DCDC1: variants seen among roughly 807,000 people sequenced by gnomAD.
The protein encoded by DCDC1 is doublecortin domain containing 1, also known as doublecortin domain-containing protein 1.
In DCDC1, 200 loss-of-function variants were observed where a neutral mutation model predicts 178.3. The ratio of observed to expected loss-of-function variants is 1.12; its 90% CI spans 1.00 to 1.26. DCDC1 has a LOEUF of 1.26. DCDC1 is among the 50% of genes most tolerant of loss of function. DCDC1 has a pLI of 0.00. For missense variants in DCDC1, 1,983 were observed against 1,749.2 expected, an observed-to-expected ratio of 1.13 and a Z score of -2.38; for synonymous variants, 690 against 604.8, an observed-to-expected ratio of 1.14 and a Z score of -2.07.
intron 9 of DCDC1, among the ~76,000 whole-genome samples, chr11:31,142,047 T>C (rs949298085): frequency 6.6e-6 from 1 of 152,214 alleles, no homozygotes; most frequent in African/African-American, 2.4e-5. Flanking sequence ...ATTCAGGGAC[T>C]GGGAGAGAGT....
At chr11:31,311,630 G>T (rs1948777227) in intron 3 of DCDC1, among the ~76,000 whole-genome samples, 1 of 152,178 alleles carries the variant, frequency 6.6e-6, no homozygotes, top group Non-Finnish European at 1.5e-5. Flanking sequence ...AACAGTCTAT[G>T]TCAATGTTGG....
chr11:30,942,063 T>C (rs1947686894), intron 21 of DCDC1, among the ~76,000 whole-genome samples: 1 of 152,138 alleles, frequency 6.6e-6, no homozygotes, highest in Non-Finnish European at 1.5e-5. Flanking sequence ...ACTGAGAAAC[T>C]TTCACCAGTA....
rs764643578 is a variant in DCDC1 at position 30,952,501 on chromosome 11, G to A, written c.2659C>T (p.Leu887=). ...CACATGTAGGTAAGCTTGTTCCATA[G>A]AGGATTTTCAACTCTAGAATGTTTC... ...QWKHSRVENP[L]WNKLTYMWPV... is the part of the protein sequence containing the mutation. Residue 887 remains leucine (L), a synonymous_variant, in exon 21 of 39, where the codon CTA becomes TTA. Transcript: ENST00000684477. 2.5e-6 allele frequency: 4 copies of A among 1,588,204 alleles called. No individual in the cohort carries two copies. In the African/African-American group the frequency reaches 4.0e-5, roughly 16 times the overall value.
intron 20 of DCDC1, among the ~76,000 whole-genome samples, chr11:31,054,221 C>A (rs1955440234): frequency 1.4e-5 from 2 of 139,440 alleles, no homozygotes; most frequent in Admixed American, 7.4e-5. Context: ...ACCCCTTTTA[C>A]AATAGCTGAA....
chr11:30,993,635 A>T (rs1040814653), intron 20 of DCDC1, among the ~76,000 whole-genome samples: 2 of 152,116 alleles, frequency 1.3e-5, no homozygotes, highest in African/African-American at 4.8e-5. Context: ...ACATCACTAG[A>T]TCAATCGCAT....
intron 9 of DCDC1, among the ~76,000 whole-genome samples, chr11:31,168,020 T>G (rs530021249): frequency 6.6e-6 from 1 of 152,150 alleles, no homozygotes. Context: ...CACACATGCA[T>G]GCACAAACAC....
At chr11:30,978,261 T>C (rs1454076844) in intron 20 of DCDC1, among the ~76,000 whole-genome samples, 3 of 152,202 alleles carry the variant, frequency 2.0e-5, no homozygotes, top group Non-Finnish European at 4.4e-5. Flanking sequence ...TTCTGTACAT[T>C]GGATGGTTTT....
chr11:31,152,050 C>A (rs554084261), intron 9 of DCDC1, among the ~76,000 whole-genome samples: 1 of 152,102 alleles, frequency 6.6e-6, no homozygotes, highest in East Asian at 1.9e-4. Flanking sequence ...AACATCACAT[C>A]ATACCTCATA....
At chr11:31,139,022 C>T (rs890524928) in intron 9 of DCDC1, among the ~76,000 whole-genome samples, 2 of 151,038 alleles carry the variant, frequency 1.3e-5, no homozygotes, top group African/African-American at 2.4e-5. Context: ...ATATTTTAGG[C>T]TTTATGGGGG....
chr11:30,938,753 T>C lies in DCDC1; in HGVS notation c.2716-6801A>G, dbSNP rs576894334. Among the ~76,000 whole-genome samples, 5 of 152,280 alleles carry C rather than the reference T, an allele frequency of 3.3e-5. No individual in the cohort carries two copies. The East Asian group carries it at 9.7e-4, about 29-fold the overall frequency. On this transcript the variant is annotated intron_variant, in intron 21 of 38. Transcript: ENST00000684477. ...GGCCAGATAAAACAGCAATACTTTA[T>C]CATTTTTTGTTTTTCCTTATCCATA...
intron 1 of DCDC1, among the ~76,000 whole-genome samples, chr11:31,339,467 G>C (rs1299926202): frequency 1.3e-5 from 2 of 152,096 alleles, no homozygotes; most frequent in Non-Finnish European, 2.9e-5. Flanking sequence ...TGGCAGCCCA[G>C]AATAAGATAC....
At chr11:31,089,969 G>A (rs1957710152) in intron 17 of DCDC1, among the ~76,000 whole-genome samples, 1 of 152,136 alleles carries the variant, frequency 6.6e-6, no homozygotes, top group Non-Finnish European at 1.5e-5. Context: ...ATGAGCTGAA[G>A]CATCTCTGGC....
intron 20 of DCDC1, among the ~76,000 whole-genome samples, chr11:30,964,374 T>C (rs1001378479): frequency 1.3e-5 from 2 of 152,180 alleles, no homozygotes; most frequent in African/African-American, 4.8e-5. Flanking sequence ...TTTAATATCC[T>C]TCCCCTCAAG....
intron 8 of DCDC1, among the ~76,000 whole-genome samples, chr11:31,254,971 A>G (rs1944314421): frequency 6.6e-6 from 1 of 152,124 alleles, no homozygotes; most frequent in Admixed American, 6.6e-5. Context: ...GCCATGACAA[A>G]CACCAATCTG....
rs1947162142 is a variant in DCDC1 at position 31,290,686 on chromosome 11, A to G, written c.921T>C (p.Asp307=). ...CTTTTCCCACTGTAATCTCATGCCC[A>G]TCCTGCCCCATGCCATTCTTAAAGA... is the stretch of plus-strand genomic sequence containing the variant. ...ILFFKNGMGQ[D]GHEITVGKET... Residue 307 remains aspartate, a synonymous_variant, in exon 7 of 39, where the codon GAT becomes GAC. Coordinates refer to ENST00000684477, the MANE Select transcript of DCDC1 (RefSeq NM_001387274.1). 6.2e-7 allele frequency: 1 copy of G among 1,613,386 alleles called. No homozygotes were observed. The highest frequency in any genetic ancestry group is 8.5e-7 in the Non-Finnish European group (1 of 1,179,494).
At chr11:31,191,714 A>G (rs1053760981) in intron 9 of DCDC1, among the ~76,000 whole-genome samples, 4 of 152,234 alleles carry the variant, frequency 2.6e-5, no homozygotes, top group Non-Finnish European at 5.9e-5. Flanking sequence ...CAACAGAAAC[A>G]AAGAAGTGAA....
rs557366958 is a variant in DCDC1 at position 31,129,144 on chromosome 11, G to T, written c.1315-1505C>A. ...AGAGCATTCAGAGAAGTTAGTGACA[G>T]CCAGTGTGCACTATTACTCATATGA... On this transcript the variant is annotated intron_variant, in intron 10 of 38. Coordinates refer to ENST00000684477, the MANE Select transcript of DCDC1 (RefSeq NM_001387274.1). 2.0e-5 allele frequency among the ~76,000 whole-genome samples: 3 copies of T among 147,516 alleles called. No homozygotes were observed. In the East Asian group the frequency reaches 6.4e-4, roughly 31 times the overall value.
intron 20 of DCDC1, among the ~76,000 whole-genome samples, chr11:31,014,587 T>G (rs1038474189): frequency 3.3e-5 from 5 of 152,178 alleles, no homozygotes; most frequent in African/African-American, 1.2e-4. Flanking sequence ...TTTGGGGTAA[T>G]TTTTATATAG....
intron 7 of DCDC1, among the ~76,000 whole-genome samples, chr11:31,267,905 C>T (rs1945278546): frequency 6.6e-6 from 1 of 152,156 alleles, no homozygotes; most frequent in Admixed American, 6.5e-5. Flanking sequence ...GCAAAATTCT[C>T]CTGTCACTGG....
Sources: allele counts gnomAD v4.1 joint callset (sites outside exome capture counted in the v4.1 genomes callset), GRCh38; gene constraint gnomAD v4.1.1; transcripts MANE v1.5; gene names NCBI Gene and HGNC (gene_info 2026-07-23, HGNC 2026-07-21).